Variants in FSTL5 observed in about 807,000 individuals in gnomAD.
FSTL5 encodes follistatin-related protein 5.
In FSTL5, 62 loss-of-function variants were observed where a neutral mutation model predicts 89.1. The observed-to-expected ratio is 0.70, with a 90% CI of 0.57 to 0.86. FSTL5 has a LOEUF of 0.86. Ranked by LOEUF, FSTL5 falls within the 40% of genes least tolerant of loss-of-function variation. The pLI is 0.00. For missense variants in FSTL5, 1,057 were observed against 1,001.6 expected, an observed-to-expected ratio of 1.06 and a Z score of -0.75; for synonymous variants, 383 against 346.2, an observed-to-expected ratio of 1.11 and a Z score of -1.18.
intron 6 of FSTL5, among the ~76,000 whole-genome samples, chr4:161,745,243 A>G (rs868172877): frequency 2.0e-5 from 3 of 152,102 alleles, no homozygotes; most frequent in Non-Finnish European, 4.4e-5. Flanking sequence ...TTTGAAATCA[A>G]TATTTAAAAA....
chr4:162,044,105 G>A (rs1738079949), intron 2 of FSTL5, among the ~76,000 whole-genome samples: 1 of 152,098 alleles, frequency 6.6e-6, no homozygotes, highest in South Asian at 2.1e-4. Context: ...CTTTCCAGAA[G>A]GTTTTTAATT....
At chr4:161,984,011 T>A (rs190235092) in intron 3 of FSTL5, among the ~76,000 whole-genome samples, 2,130 of 152,192 alleles carry the variant, frequency 0.014, 30 homozygotes, top group Non-Finnish European at 0.023. Context: ...TATTATCTTT[T>A]ACTTTTATTG....
intron 13 of FSTL5, among the ~76,000 whole-genome samples, chr4:161,475,961 G>A (rs957500820): frequency 6.6e-6 from 1 of 151,938 alleles, no homozygotes; most frequent in Non-Finnish European, 1.5e-5. Context: ...CACCGTGTTA[G>A]CGAGGATGGT....
intron 7 of FSTL5, among the ~76,000 whole-genome samples, chr4:161,637,949 T>C (rs1262973413): frequency 1.3e-5 from 2 of 150,080 alleles, no homozygotes; most frequent in African/African-American, 2.5e-5. Flanking sequence ...CGATGCGGGC[T>C]CTTTTTTGGT....
chr4:161,901,187 CAA>C (rs5863498), intron 4 of FSTL5, among the ~76,000 whole-genome samples: 3 of 132,940 alleles, frequency 2.3e-5, no homozygotes. Flanking sequence ...AAATCTAGAC[CAA>C]AAAAAAAAAA....
intron 11 of FSTL5, among the ~76,000 whole-genome samples, chr4:161,508,701 T>G (rs942784481): frequency 6.6e-6 from 1 of 152,140 alleles, no homozygotes; most frequent in African/African-American, 2.4e-5. Flanking sequence ...TACTACGAAT[T>G]AATAATGTTC....
chr4:161,591,869 G>A (rs1182582304), intron 7 of FSTL5, among the ~76,000 whole-genome samples: 1 of 152,196 alleles, frequency 6.6e-6, no homozygotes, highest in Non-Finnish European at 1.5e-5. Context: ...AGGCTAAGAT[G>A]TCAAGGAAGC....
chr4:161,452,470 T>C (rs1317957), intron 15 of FSTL5, among the ~76,000 whole-genome samples: 25,118 of 144,342 alleles, frequency 0.17, 2,702 homozygotes, highest in East Asian at 0.5. Flanking sequence ...AGGGAGACTC[T>C]GTCTCAAAAA....
At chr4:161,453,956 G>A (rs1733261827) in intron 15 of FSTL5, among the ~76,000 whole-genome samples, 2 of 152,016 alleles carry the variant, frequency 1.3e-5, no homozygotes, top group South Asian at 4.1e-4. Context: ...GAAAATAATG[G>A]CTAATTGATT....
intron 2 of FSTL5, among the ~76,000 whole-genome samples, chr4:162,036,411 T>C (rs1326943787): frequency 1.3e-5 from 2 of 152,066 alleles, no homozygotes; most frequent in Non-Finnish European, 2.9e-5. Flanking sequence ...TTTTCATTAG[T>C]ATGATTTTTA....
At chr4:162,160,597 A>G (rs1350274842) in intron 1 of FSTL5, among the ~76,000 whole-genome samples, 1 of 151,838 alleles carries the variant, frequency 6.6e-6, no homozygotes, top group East Asian at 1.9e-4. Context: ...AAATATGAAG[A>G]ACTAATAGAA....
intron 6 of FSTL5, among the ~76,000 whole-genome samples, chr4:161,701,353 T>C (rs1579032592): frequency 2.0e-5 from 3 of 152,180 alleles, no homozygotes; most frequent in Admixed American, 2.0e-4. Flanking sequence ...AGATACTTGA[T>C]ACTCACTGAA....
intron 7 of FSTL5, among the ~76,000 whole-genome samples, chr4:161,612,411 C>G (rs1440418198): frequency 2.6e-5 from 4 of 152,146 alleles, no homozygotes; most frequent in Non-Finnish European, 4.4e-5. Context: ...GTTTAGAGGT[C>G]TAGAAAAGTC....
intron 6 of FSTL5, among the ~76,000 whole-genome samples, chr4:161,699,046 A>T (rs771369924): frequency 6.6e-6 from 1 of 152,190 alleles, no homozygotes; most frequent in African/African-American, 2.4e-5. Flanking sequence ...CATGAGGCAT[A>T]GAAAAATGAA....
intron 8 of FSTL5, among the ~76,000 whole-genome samples, chr4:161,553,806 G>T (rs930419450): frequency 1.3e-5 from 2 of 151,390 alleles, no homozygotes; most frequent in Admixed American, 1.3e-4. Context: ...ATAAATTAGT[G>T]CATTTATAGT....
intron 3 of FSTL5, among the ~76,000 whole-genome samples, chr4:162,015,189 TATAA>T (rs1736882832): frequency 6.6e-6 from 1 of 152,170 alleles, no homozygotes; most frequent in Non-Finnish European, 1.5e-5. Flanking sequence ...GGCAAGGGGC[TATAA>T]ATGTTAGTCC....
chr4:161,508,244 A>G lies in FSTL5; in HGVS notation c.1339+2154T>C, dbSNP rs140764706. Reference sequence around the variant, plus strand: ...ATTTTTATTGTAATGCCTTGCCAATAATTGTGGCATTATAAAAATAACTTA... The same window carrying G: ...ATTTTTATTGTAATGCCTTGCCAATGATTGTGGCATTATAAAAATAACTTA... On this transcript the variant is annotated intron_variant, in intron 11 of 15. Transcript: ENST00000306100. Among the ~76,000 whole-genome samples the G allele has an allele frequency of 3.3e-5, 5 of 152,206 alleles. No individual in the cohort carries two copies. In the East Asian group the frequency reaches 9.6e-4, roughly 29 times the overall value.
chr4:161,675,460 T>A (rs965661430), intron 6 of FSTL5, among the ~76,000 whole-genome samples: 1 of 151,504 alleles, frequency 6.6e-6, no homozygotes, highest in African/African-American at 2.4e-5. Context: ...AAGTTCACCA[T>A]TTTGTTAATA....
intron 4 of FSTL5, among the ~76,000 whole-genome samples, chr4:161,883,434 T>G (rs2126913180): frequency 6.6e-6 from 1 of 152,314 alleles, no homozygotes; most frequent in South Asian, 2.1e-4. Context: ...TCACATTAAC[T>G]CTGTCATTAC....
Sources: allele counts gnomAD v4.1 joint callset (sites outside exome capture counted in the v4.1 genomes callset), GRCh38; gene constraint gnomAD v4.1.1; transcripts MANE v1.5; gene names NCBI Gene and HGNC (gene_info 2026-07-23, HGNC 2026-07-21).